Variants in SULF2 observed in about 807,000 individuals in gnomAD.
The protein encoded by SULF2 is extracellular sulfatase Sulf-2.
In SULF2, 52 loss-of-function variants were observed where a neutral mutation model predicts 107.7. The ratio of observed to expected loss-of-function variants is 0.48; its 90% confidence interval spans 0.39 to 0.61. SULF2 has a LOEUF of 0.61. SULF2 is among the 20% of genes least tolerant of loss of function. SULF2 has a pLI of 0.00. For synonymous variants in SULF2, 460 were observed against 464.3 expected (o/e 0.99, Z 0.12); for missense variants, 993 against 1,177.3 (o/e 0.84, Z 2.29).
At chr20:47,778,315 TCCA>T (rs1391186655) in intron 1 of SULF2, among the ~76,000 whole-genome samples, 1 of 152,238 alleles carries the variant, frequency 6.6e-6, no homozygotes, top group Non-Finnish European at 1.5e-5. Context: ...GATGGCCCTG[TCCA>T]CCAACTTACA....
At chr20:47,773,523 C>A (rs1454127477) in intron 1 of SULF2, among the ~76,000 whole-genome samples, 7 of 152,238 alleles carry the variant, frequency 4.6e-5, no homozygotes, top group Non-Finnish European at 7.3e-5. Context: ...AGGCTGGACA[C>A]CCCTTTGCCC....
At chr20:47,749,375 C>T (rs2090114186) in intron 2 of SULF2, among the ~76,000 whole-genome samples, 1 of 152,244 alleles carries the variant, frequency 6.6e-6, no homozygotes, top group African/African-American at 2.4e-5. Flanking sequence ...AATCATCTTA[C>T]AGGAATGTGC....
chr20:47,664,328 G>T, intron 14 of SULF2, 139 bp from the exon 15 acceptor site: 1 of 807,020 alleles, frequency 1.2e-6, no homozygotes, highest in Non-Finnish European at 2.0e-6. Flanking sequence ...GTGGTGGGTA[G>T]GGCATGACCC....
chr20:47,756,614 CCT>C (rs1272299221), intron 2 of SULF2, among the ~76,000 whole-genome samples: 1 of 151,616 alleles, frequency 6.6e-6, no homozygotes, highest in Admixed American at 6.6e-5. Flanking sequence ...CCCACAAGAG[CCT>C]CCAAAATTTG....
intron 1 of SULF2, among the ~76,000 whole-genome samples, chr20:47,778,930 A>G (rs61225979): frequency 0.018 from 2,730 of 152,308 alleles, 90 homozygotes; most frequent in African/African-American, 0.062. Context: ...CAATATGCCG[A>G]TAACTCCCAA....
At chr20:47,718,040 A>C (rs2089178105) in intron 3 of SULF2, among the ~76,000 whole-genome samples, 2 of 152,008 alleles carry the variant, frequency 1.3e-5, no homozygotes, top group Admixed American at 1.3e-4. Context: ...GATGGTCTTG[A>C]TCTCCTGACC....
At position 47,666,921 on chromosome 20, in the gene SULF2, C is replaced by T. The variant is rs2087294650; in HGVS notation, c.1577-433G>A. Among the ~76,000 whole-genome samples, 2 of 152,170 alleles carry T rather than the reference C, an allele frequency of 1.3e-5. No homozygotes were observed. Among genetic ancestry groups the T allele is most frequent in the South Asian group, 2.1e-4 (1 of 4,832 alleles). ...TGTTACATTCTATTTATAGGAACTA[C>T]CCAGAATAGGTAAATCTATAGCGGC... On this transcript the variant is annotated intron_variant, in intron 11 of 20. Transcript: ENST00000688720. The surrounding 1 kb of genome is among the most constrained non-coding windows in gnomAD (Gnocchi z 5.4).
At chr20:47,747,291 A>G (rs1311303338) in intron 2 of SULF2, among the ~76,000 whole-genome samples, 3 of 152,306 alleles carry the variant, frequency 2.0e-5, no homozygotes, top group South Asian at 2.1e-4. Context: ...TAAACCCAAA[A>G]TCAATTAGGC....
At chr20:47,735,339 A>G (rs1241666292) in intron 3 of SULF2, among the ~76,000 whole-genome samples, 1 of 152,242 alleles carries the variant, frequency 6.6e-6, no homozygotes, top group African/African-American at 2.4e-5. Context: ...TATACATTAA[A>G]GAAAAAATAA....
At chr20:47,778,032 T>C (rs1223930452) in intron 1 of SULF2, among the ~76,000 whole-genome samples, 1 of 151,336 alleles carries the variant, frequency 6.6e-6, no homozygotes, top group Non-Finnish European at 1.5e-5. Flanking sequence ...TCCCACCTAC[T>C]TGGGAGGCTG....
At chr20:47,736,132 C>A (rs2146783534) in intron 3 of SULF2, among the ~76,000 whole-genome samples, 1 of 152,272 alleles carries the variant, frequency 6.6e-6, no homozygotes, top group South Asian at 2.1e-4. Context: ...GCCTTCAGAG[C>A]CCACCAAAGA....
intron 18 of SULF2, chr20:47,661,534 T>C: frequency 2.8e-6 from 1 of 360,394 alleles, no homozygotes; most frequent in Non-Finnish European, 5.2e-6. Flanking sequence ...GACAATGAAA[T>C]GAGACGGAAT....
Position 47,782,353 on chromosome 20 carries a change from C to T in SULF2, c.-101+2990G>A, listed in dbSNP as rs576397458. On this transcript the variant is annotated intron_variant, in intron 1 of 20. Transcript: ENST00000688720. ...TTATCGGGATGCCAATTAATTATAA[C>T]GATCTTAATGCCCTCCCAATTAGAC... Among the ~76,000 whole-genome samples the T allele has an allele frequency of 3.8e-3, 580 of 152,348 alleles. 4 individuals carry two copies. The highest frequency in any genetic ancestry group is 0.013 in the African/African-American group (539 of 41,590).
intron 2 of SULF2, among the ~76,000 whole-genome samples, chr20:47,746,270 A>G (rs925814704): frequency 3.3e-5 from 5 of 152,252 alleles, no homozygotes; most frequent in African/African-American, 1.2e-4. Flanking sequence ...ACAGGCATTC[A>G]GTGGGGAAGA....
chr20:47,779,658 G>A (rs1425868466), intron 1 of SULF2, among the ~76,000 whole-genome samples: 1 of 152,184 alleles, frequency 6.6e-6, no homozygotes, highest in Non-Finnish European at 1.5e-5. Context: ...TCAGGCTAGA[G>A]TGCAATGGCA....
At chr20:47,736,113 G>A (rs1349196116) in intron 3 of SULF2, among the ~76,000 whole-genome samples, 1 of 152,172 alleles carries the variant, frequency 6.6e-6, no homozygotes, top group African/African-American at 2.4e-5. Flanking sequence ...CAACCAGCCT[G>A]GCAGGTGAGC....
At chr20:47,662,006 G>C in intron 17 of SULF2, 110 bp from the exon 18 acceptor site, 3 of 1,202,276 alleles carry the variant, frequency 2.5e-6, no homozygotes, top group Non-Finnish European at 3.3e-6. Context: ...GAAGGTGCTA[G>C]GGGCTGGTGA....
intron 17 of SULF2, among the ~76,000 whole-genome samples, chr20:47,662,753 C>T (rs1025480974): frequency 6.8e-6 from 1 of 146,274 alleles, no homozygotes; most frequent in Non-Finnish European, 1.5e-5. Context: ...TTGGCTTGAT[C>T]CTACAGCCTG....
At chr20:47,667,277 C>G (rs796189390) in intron 11 of SULF2, among the ~76,000 whole-genome samples, 1 of 152,128 alleles carries the variant, frequency 6.6e-6, no homozygotes, top group Non-Finnish European at 1.5e-5. Context: ...CTTTGAGTCC[C>G]AGAGAGCTGG....
Sources: gnomAD v4.1 joint callset for allele counts (sites outside exome capture counted in the v4.1 genomes callset) on GRCh38, gnomAD v4.1.1 for gene constraint, Gnocchi (gnomAD v3.1) non-coding constraint, MANE v1.5 for transcripts, NCBI Gene and HGNC (gene_info 2026-07-23, HGNC 2026-07-21) for gene names.